Variants in PLCB1 observed in about 807,000 individuals in gnomAD.
The protein encoded by PLCB1 is 1-phosphatidylinositol 4,5-bisphosphate phosphodiesterase beta-1.
In PLCB1, 46 loss-of-function variants were observed where a neutral mutation model predicts 161.8. The ratio of observed to expected loss-of-function variants is 0.28; its 90% CI spans 0.22 to 0.36. The LOEUF is 0.36. Ranked by LOEUF, PLCB1 falls within the 10% of genes least tolerant of loss-of-function variation. The probability of loss-of-function intolerance (pLI) is 1.00; values close to 1 mark genes in which losing one functional copy is unlikely to be tolerated. For synonymous variants in PLCB1, 517 were observed against 503.7 expected, an observed-to-expected ratio of 1.03 and a Z score of -0.35; for missense variants, 1,016 against 1,472.5, an observed-to-expected ratio of 0.69 and a Z score of 5.07.
chr20:8,471,566 T>C (rs564688340), intron 3 of PLCB1, among the ~76,000 whole-genome samples: 2 of 152,284 alleles, frequency 1.3e-5, no homozygotes, highest in African/African-American at 2.4e-5. Flanking sequence ...TTAAAACTAA[T>C]ATTAATTGAA....
chr20:8,223,607 CA>C (rs949838064), intron 2 of PLCB1, among the ~76,000 whole-genome samples: 1 of 151,956 alleles, frequency 6.6e-6, no homozygotes, highest in African/African-American at 2.4e-5. Context: ...TTTCCCAGGG[CA>C]AAAAATCTTG....
At position 8,269,258 on chromosome 20, in the gene PLCB1, C is replaced by T. The variant is rs189876654; in HGVS notation, c.178-102124C>T. Among the ~76,000 whole-genome samples the T allele has an allele frequency of 1.8e-4, 27 of 152,130 alleles. No individual in the cohort carries two copies. The East Asian group carries it at 2.5e-3, about 14-fold the overall frequency. On this transcript the variant is annotated intron_variant, in intron 2 of 31. Transcript: ENST00000338037. ...CATCCCCCCAACCCCTGACAGGCCCCGGTCTGTGATGTTCCCCTCCCTGTG... is the reference window on the plus strand; with the variant it reads ...CATCCCCCCAACCCCTGACAGGCCCTGGTCTGTGATGTTCCCCTCCCTGTG...
At chr20:8,332,443 TTAAG>T (rs1324786335) in intron 2 of PLCB1, among the ~76,000 whole-genome samples, 1 of 152,226 alleles carries the variant, frequency 6.6e-6, no homozygotes, top group Non-Finnish European at 1.5e-5. Context: ...AATGTATAGA[TTAAG>T]TATTAGTTAT....
intron 1 of PLCB1, among the ~76,000 whole-genome samples, chr20:8,146,341 C>G (rs139008172): frequency 6.6e-6 from 1 of 152,314 alleles, no homozygotes; most frequent in East Asian, 1.9e-4. Flanking sequence ...GAGGAAGTCA[C>G]TTAGCCCAAG....
intron 23 of PLCB1, among the ~76,000 whole-genome samples, chr20:8,749,539 A>G (rs1981345858): frequency 6.6e-6 from 1 of 152,248 alleles, no homozygotes; most frequent in African/African-American, 2.4e-5. Context: ...ACTTTCCTTT[A>G]AAAAGAGAAA....
intron 3 of PLCB1, among the ~76,000 whole-genome samples, chr20:8,508,100 C>T (rs1983715533): frequency 6.6e-6 from 1 of 152,128 alleles, no homozygotes; most frequent in Non-Finnish European, 1.5e-5. Flanking sequence ...GGTAGTTCAG[C>T]AGTGCCTGTC....
At chr20:8,459,574 T>A (rs1435032442) in intron 3 of PLCB1, among the ~76,000 whole-genome samples, 4 of 152,230 alleles carry the variant, frequency 2.6e-5, no homozygotes, top group Non-Finnish European at 5.9e-5. Context: ...GTGCCTGATG[T>A]ATAAAAAGCA....
intron 3 of PLCB1, among the ~76,000 whole-genome samples, chr20:8,520,011 GTTT>G (rs772879069): frequency 2.6e-4 from 40 of 152,094 alleles, no homozygotes; most frequent in Admixed American, 3.9e-4. Flanking sequence ...TAAAGTTCAT[GTTT>G]TAGTCAAGAA....
At chr20:8,643,406 C>T (rs889656424) in intron 4 of PLCB1, among the ~76,000 whole-genome samples, 3 of 152,174 alleles carry the variant, frequency 2.0e-5, no homozygotes, top group Admixed American at 6.5e-5. Flanking sequence ...TGCTCTAACT[C>T]CTGCCATGTT....
chr20:8,661,849 A>G (rs992429656), intron 9 of PLCB1, among the ~76,000 whole-genome samples: 1 of 145,490 alleles, frequency 6.9e-6, no homozygotes, highest in African/African-American at 2.6e-5. Flanking sequence ...TCAGTATTTA[A>G]TAAATCTTCA....
chr20:8,647,854 G>C, intron 5 of PLCB1, 46 bp from the exon 6 acceptor site: 1 of 1,479,860 alleles, frequency 6.8e-7, no homozygotes, highest in African/African-American at 1.4e-5. Flanking sequence ...AGAAAAAAAA[G>C]CTTTTTTAAA....
At chr20:8,577,513 C>A (rs1015909134) in intron 3 of PLCB1, among the ~76,000 whole-genome samples, 1 of 151,454 alleles carries the variant, frequency 6.6e-6, no homozygotes, top group African/African-American at 2.4e-5. Context: ...TCCTTGATGA[C>A]CTTCTAACTT....
At chr20:8,826,450 C>G (rs1176757734) in intron 31 of PLCB1, among the ~76,000 whole-genome samples, 1 of 149,246 alleles carries the variant, frequency 6.7e-6, no homozygotes, top group Non-Finnish European at 1.5e-5. Context: ...AGCAGGAGAT[C>G]GCGCCACTGC....
chr20:8,330,649 T>C (rs1176759186), intron 2 of PLCB1, among the ~76,000 whole-genome samples: 1 of 152,202 alleles, frequency 6.6e-6, no homozygotes, highest in East Asian at 1.9e-4. Context: ...CCTATTTTCT[T>C]GATAGCATTC....
At chr20:8,220,163 G>T (rs1402495660) in intron 2 of PLCB1, among the ~76,000 whole-genome samples, 2 of 152,072 alleles carry the variant, frequency 1.3e-5, no homozygotes, top group East Asian at 1.9e-4. Context: ...TAAAATCTTG[G>T]TATCATCATC....
chr20:8,843,175 C>A (rs773377370), intron 31 of PLCB1, among the ~76,000 whole-genome samples: 1 of 152,034 alleles, frequency 6.6e-6, no homozygotes, highest in Non-Finnish European at 1.5e-5. Flanking sequence ...ATTAGAAAAC[C>A]TACAAAATCT....
chr20:8,223,125 A>T (rs1180563042), intron 2 of PLCB1, among the ~76,000 whole-genome samples: 2 of 152,176 alleles, frequency 1.3e-5, no homozygotes, highest in Non-Finnish European at 2.9e-5. Context: ...AGCATCAATA[A>T]GCTTTCCTGT....
chr20:8,365,483 A>G (rs768736829), intron 2 of PLCB1, among the ~76,000 whole-genome samples: 3 of 152,192 alleles, frequency 2.0e-5, no homozygotes, highest in Non-Finnish European at 4.4e-5. Context: ...AAAGGAAAAG[A>G]GAGACCAGGT....
At chr20:8,546,313 CAAAAAAAAAAAAAAA>C (rs369485988) in intron 3 of PLCB1, among the ~76,000 whole-genome samples, 3 of 102,934 alleles carry the variant, frequency 2.9e-5, no homozygotes, top group African/African-American at 1.1e-4. Context: ...GACTCTATCT[CAAAAAAAAAAAAAAA>C]AAAAAAAAAA....
Sources: gnomAD v4.1 joint callset for allele counts (sites outside exome capture counted in the v4.1 genomes callset) on GRCh38, gnomAD v4.1.1 for gene constraint, MANE v1.5 for transcripts, NCBI Gene and HGNC (gene_info 2026-07-23, HGNC 2026-07-21) for gene names.